The following PLEKHA6 variants were observed in gnomAD, a reference collection of about 807,000 sequenced individuals.
The protein encoded by PLEKHA6 is pleckstrin homology domain containing A6.
In PLEKHA6, 60 loss-of-function variants were observed where a neutral mutation model predicts 116.7. The observed-to-expected ratio is 0.51, with a 90% confidence interval of 0.42 to 0.64. The LOEUF is 0.64. Ranked by LOEUF, PLEKHA6 falls within the 30% of genes least tolerant of loss-of-function variation. The pLI is 0.00. For synonymous variants in PLEKHA6, 489 were observed against 556.1 expected (o/e 0.88, Z 1.70); for missense variants, 1,338 against 1,422.7 (o/e 0.94, Z 0.96).
At chr1:204,338,077 C>T (rs1672716178) in intron 1 of PLEKHA6, among the ~76,000 whole-genome samples, 2 of 152,320 alleles carry the variant, frequency 1.3e-5, no homozygotes, top group Non-Finnish European at 2.9e-5. Flanking sequence ...GAGGTTAAGC[C>T]TACAGAAGGG....
intron 9 of PLEKHA6, among the ~76,000 whole-genome samples, chr1:204,253,506 G>C (rs747690567): frequency 6.6e-6 from 1 of 152,016 alleles, no homozygotes; most frequent in Non-Finnish European, 1.5e-5. Flanking sequence ...TGGGTGAAAG[G>C]GCGAGACTCC....
intron 17 of PLEKHA6, 70 bp from the exon 18 acceptor site, chr1:204,230,656 T>C (rs750781570): frequency 2.6e-5 from 35 of 1,334,038 alleles, no homozygotes; most frequent in Non-Finnish European, 3.1e-5. Context: ...TCCTGAACCC[T>C]TAACATTTAC....
intron 14 of PLEKHA6, 60 bp downstream of exon 14, chr1:204,245,555 A>G (rs1663531881): frequency 9.9e-7 from 1 of 1,005,944 alleles, no homozygotes; most frequent in African/African-American, 1.6e-5. Context: ...GGAGGTCAGA[A>G]ATACTGGAGC....
At chr1:204,358,206 T>C (rs1194080958) in intron 1 of PLEKHA6, among the ~76,000 whole-genome samples, 3 of 152,234 alleles carry the variant, frequency 2.0e-5, no homozygotes, top group Non-Finnish European at 1.5e-5. Flanking sequence ...GGCTCGGCAC[T>C]CTGTGCCCTT....
chr1:204,274,496 AC>A, intron 2 of PLEKHA6: 2 of 548,144 alleles, frequency 3.6e-6, no homozygotes, highest in Non-Finnish European at 4.6e-6. Context: ...CATCAGCTCA[AC>A]CTGTGGGGTG....
intron 1 of PLEKHA6, among the ~76,000 whole-genome samples, chr1:204,375,134 T>G (rs1377049182): frequency 3.9e-5 from 6 of 152,136 alleles, no homozygotes; most frequent in African/African-American, 1.4e-4. Context: ...GTCCCTTCCT[T>G]GACACTGGTG....
At chr1:204,341,093 CGT>C (rs1672830822) in intron 1 of PLEKHA6, among the ~76,000 whole-genome samples, 1 of 152,224 alleles carries the variant, frequency 6.6e-6, no homozygotes, top group Non-Finnish European at 1.5e-5. Context: ...CCTCTCCTAC[CGT>C]GGTCTGCAGC....
Position 204,226,056 on chromosome 1 carries a change from G to A in PLEKHA6, c.3031+2027C>T, listed in dbSNP as rs371640589. ...ACTCTACTCGCTGCACCCGCTGCACGCTGTGCTCATGACCTGTGCCCAGCA... is the reference window on the plus strand; with the variant it reads ...ACTCTACTCGCTGCACCCGCTGCACACTGTGCTCATGACCTGTGCCCAGCA... On this transcript the variant is annotated intron_variant, in intron 21 of 22. Coordinates refer to ENST00000272203, the MANE Select transcript of PLEKHA6 (RefSeq NM_014935.5). 7.8e-4 allele frequency among the ~76,000 whole-genome samples: 119 copies of A among 152,318 alleles called. 1 individual carries two copies. In the South Asian group the frequency reaches 0.023, roughly 29 times the overall value.
chr1:204,356,581 ATAT>A (rs146207213), intron 1 of PLEKHA6, among the ~76,000 whole-genome samples: 9,103 of 141,878 alleles, frequency 0.064, 354 homozygotes, highest in African/African-American at 0.13. Flanking sequence ...AATAATAATA[ATAT>A]TAATAATAAT....
chr1:204,364,442 T>C (rs1673614823), upstream of PLEKHA6, among the ~76,000 whole-genome samples: 1 of 152,204 alleles, frequency 6.6e-6, no homozygotes, highest in Admixed American at 6.5e-5. Flanking sequence ...AATACAAGCT[T>C]TGTGACATTG....
intron 1 of PLEKHA6, among the ~76,000 whole-genome samples, chr1:204,287,513 G>A (rs1572075530): frequency 6.6e-6 from 1 of 152,138 alleles, no homozygotes. Flanking sequence ...TTTCAGTTTT[G>A]TTCTCAACTG....
intron 1 of PLEKHA6, among the ~76,000 whole-genome samples, chr1:204,313,359 A>C (rs1416802430): frequency 2.0e-5 from 3 of 152,106 alleles, no homozygotes; most frequent in Non-Finnish European, 4.4e-5. Flanking sequence ...CCTAACTTAC[A>C]GGGTGCTGGA....
intron 1 of PLEKHA6, chr1:204,313,486 A>G (rs1336322147): frequency 1.2e-6 from 1 of 828,254 alleles, no homozygotes. Flanking sequence ...ATTTCTCAAG[A>G]GCACAAACCA....
chr1:204,269,484 G>A (rs1002555652), intron 3 of PLEKHA6, among the ~76,000 whole-genome samples: 2 of 148,050 alleles, frequency 1.4e-5, no homozygotes, highest in African/African-American at 5.0e-5. Context: ...AGATGAGGTT[G>A]CCACAGAGCC....
intron 6 of PLEKHA6, among the ~76,000 whole-genome samples, chr1:204,263,569 C>T (rs1666402959): frequency 2.0e-5 from 3 of 151,720 alleles, no homozygotes; most frequent in South Asian, 2.1e-4. Context: ...GGGAAGGAGG[C>T]GAGGGGCTGG....
upstream of PLEKHA6, among the ~76,000 whole-genome samples, chr1:204,360,556 G>A (rs910790369): frequency 2.0e-5 from 3 of 152,088 alleles, no homozygotes; most frequent in Non-Finnish European, 4.4e-5. Flanking sequence ...TGTTCCTTCC[G>A]TTGCACATTC....
chr1:204,327,102 A>G (rs1234505726), intron 1 of PLEKHA6: 1 of 684,470 alleles, frequency 1.5e-6, no homozygotes. Context: ...CTCTCTGCTC[A>G]CATGCTTGAG....
intron 17 of PLEKHA6, among the ~76,000 whole-genome samples, chr1:204,234,110 T>C (rs1661603593): frequency 6.6e-6 from 1 of 152,126 alleles, no homozygotes; most frequent in African/African-American, 2.4e-5. Flanking sequence ...AATCTCAAGA[T>C]GAGATAATCC....
intron 1 of PLEKHA6, among the ~76,000 whole-genome samples, chr1:204,293,148 T>G (rs77393868): frequency 6.6e-6 from 1 of 152,062 alleles, no homozygotes; most frequent in Non-Finnish European, 1.5e-5. Flanking sequence ...TTTTTTTTTT[T>G]CTTTGAGATG....
Sources: gnomAD v4.1 joint callset for allele counts (sites outside exome capture counted in the v4.1 genomes callset) on GRCh38, gnomAD v4.1.1 for gene constraint, MANE v1.5 for transcripts, NCBI Gene and HGNC (gene_info 2026-07-23, HGNC 2026-07-21) for gene names.